The following CDH8 variants were observed in gnomAD, a reference collection of about 807,000 sequenced individuals.
CDH8 encodes the protein cadherin-8.
Under a neutral mutation model 68.1 loss-of-function variants are expected in CDH8, and 17 were observed. The observed-to-expected ratio is 0.25, with a 90% confidence interval of 0.17 to 0.37. The LOEUF is 0.37. Among genes scored for constraint, CDH8 ranks in the 10% least tolerant of loss-of-function variants. The pLI, the probability that CDH8 is intolerant of heterozygous loss-of-function variation, is 1.00. For missense variants in CDH8, 763 were observed against 999.3 expected, an observed-to-expected ratio of 0.76 and a Z score of 3.19; for synonymous variants, 372 against 365.1, an observed-to-expected ratio of 1.02 and a Z score of -0.21.
chr16:61,712,859 A>G (rs1964656330), intron 10 of CDH8, among the ~76,000 whole-genome samples: 1 of 151,708 alleles, frequency 6.6e-6, no homozygotes, highest in Non-Finnish European at 1.5e-5. Flanking sequence ...ATTTAGCCAT[A>G]AAATGTTATT....
chr16:61,985,464 G>A (rs1965610109), intron 2 of CDH8, among the ~76,000 whole-genome samples: 3 of 152,152 alleles, frequency 2.0e-5, no homozygotes, highest in South Asian at 2.1e-4. Context: ...TCCTGATTGA[G>A]GTCTTTAATG....
intron 2 of CDH8, among the ~76,000 whole-genome samples, chr16:62,017,159 A>G (rs1451930171): frequency 1.3e-5 from 2 of 152,172 alleles, no homozygotes; most frequent in Non-Finnish European, 2.9e-5. Flanking sequence ...ATATGCAGGC[A>G]GGGTTCTAGG....
chr16:61,785,200 TAAAG>T (rs1961207204), intron 8 of CDH8, among the ~76,000 whole-genome samples: 1 of 108,520 alleles, frequency 9.2e-6, no homozygotes, highest in Admixed American at 9.7e-5. Context: ...GCAAGACTAA[TAAAG>T]AAAAAAAGAG....
intron 2 of CDH8, among the ~76,000 whole-genome samples, chr16:61,951,730 A>G (rs909717243): frequency 6.6e-5 from 10 of 152,142 alleles, no homozygotes; most frequent in African/African-American, 2.4e-4. Flanking sequence ...CCTCACCTAC[A>G]GCACTTTTAT....
At chr16:61,921,249 T>TATA (rs375901034) in intron 2 of CDH8, among the ~76,000 whole-genome samples, 2,179 of 147,474 alleles carry the variant, frequency 0.015, 28 homozygotes, top group African/African-American at 0.031. Context: ...AAACTTAAAG[T>TATA]ATAATAATAA....
At chr16:61,894,792 T>C (rs1039608444) in intron 3 of CDH8, among the ~76,000 whole-genome samples, 1 of 152,174 alleles carries the variant, frequency 6.6e-6, no homozygotes, top group Non-Finnish European at 1.5e-5. Flanking sequence ...GCCCATCATA[T>C]ACTGACTTCT....
chr16:61,902,797 GA>G (rs1964000272), intron 2 of CDH8, among the ~76,000 whole-genome samples: 2 of 151,900 alleles, frequency 1.3e-5, no homozygotes, highest in Non-Finnish European at 2.9e-5. Flanking sequence ...CTTTACTTTT[GA>G]ATATTTTTTA....
chr16:61,725,404 T>C (rs2142890058), intron 9 of CDH8: 1 of 150,946 alleles, frequency 6.6e-6, no homozygotes, highest in South Asian at 2.1e-4. Flanking sequence ...GAAATATCAA[T>C]GTCATTGACT....
chr16:61,887,014 T>C (rs2143167241), intron 3 of CDH8, among the ~76,000 whole-genome samples: 1 of 152,246 alleles, frequency 6.6e-6, no homozygotes, highest in East Asian at 1.9e-4. Flanking sequence ...TTGAAACAGG[T>C]TAGAGGGTTG....
chr16:61,831,594 T>C (rs919907480), intron 4 of CDH8, among the ~76,000 whole-genome samples: 1 of 151,748 alleles, frequency 6.6e-6, no homozygotes, highest in African/African-American at 2.4e-5. Flanking sequence ...CTTGTGTGTG[T>C]GTTATTTTTT....
rs34925928 is a variant in CDH8, at chr16:61,992,077, T to TGTGTGTGTGTGTGTGTGTGTGA, written c.252+29074_252+29075insTCACACACACACACACACACAC. 1.7e-4 allele frequency among the ~76,000 whole-genome samples: 24 copies of TGTGTGTGTGTGTGTGTGTGTGA among 144,246 alleles called. No individual in the cohort carries two copies. In the East Asian group the frequency reaches 3.0e-3, roughly 18 times the overall value. 94.6% of individuals were successfully genotyped at this position (144,246 alleles called of 152,430 possible). ...GTGTGTGTGTGTGTGTGTGTGTGTGTGAGAGAGAGAGAGAGATTTTTACAG... is the reference window on the plus strand; with the variant it reads ...GTGTGTGTGTGTGTGTGTGTGTGTGTGTGTGTGTGTGTGTGTGTGTGAGAGAGAGAGAGAGAGATTTTTACAG... On this transcript the variant is annotated intron_variant, in intron 2 of 11. Transcript: ENST00000577390.
intron 4 of CDH8, among the ~76,000 whole-genome samples, chr16:61,844,437 T>C (rs543157922): frequency 1.6e-4 from 25 of 152,126 alleles, no homozygotes; most frequent in Non-Finnish European, 2.4e-4. Context: ...TAATAAAGTT[T>C]AAAAAAAAGT....
chr16:61,998,048 C>A (rs1965835172), intron 2 of CDH8, among the ~76,000 whole-genome samples: 1 of 152,052 alleles, frequency 6.6e-6, no homozygotes, highest in African/African-American at 2.4e-5. Flanking sequence ...GCCAATGCTA[C>A]ATTTCCAGAT....
Position 61,648,471 on chromosome 16 carries a change from G to A in CDH8, c.*5137C>T, listed in dbSNP as rs1963251281. ...TTACTTCCTCCTCAGTACTTCCATAGCACTATATATAACTTAGTTTCTATT... is the reference window on the plus strand; with the variant it reads ...TTACTTCCTCCTCAGTACTTCCATAACACTATATATAACTTAGTTTCTATT... On this transcript the variant is annotated 3_prime_UTR_variant, in exon 12 of 12. Transcript: ENST00000577390. 6.6e-6 allele frequency: 1 copy of A among 151,794 alleles called. No individual in the cohort carries two copies. Among genetic ancestry groups the A allele is most frequent in the Admixed American group, 6.6e-5 (1 of 15,186 alleles). 9.4% of individuals were successfully genotyped at this position (151,794 alleles called of 1,614,324 possible).
chr16:61,904,885 A>T (rs1467871450), intron 2 of CDH8, among the ~76,000 whole-genome samples: 1 of 152,236 alleles, frequency 6.6e-6, no homozygotes, highest in African/African-American at 2.4e-5. Flanking sequence ...TGCCCTGTCA[A>T]CATATCCACC....
chr16:61,882,786 C>T (rs1963601440), intron 3 of CDH8, among the ~76,000 whole-genome samples: 1 of 152,090 alleles, frequency 6.6e-6, no homozygotes, highest in Admixed American at 6.6e-5. Context: ...GGCTTAATAC[C>T]TGGGTGATGA....
intron 5 of CDH8, among the ~76,000 whole-genome samples, chr16:61,824,192 C>G (rs1469661571): frequency 4.0e-5 from 6 of 151,756 alleles, no homozygotes; most frequent in Admixed American, 3.3e-4. Context: ...AAAGCCCTGC[C>G]TGATCTTACT....
rs144379377 is a variant in CDH8, at chr16:61,871,815, CAAAAAAAAAAAAAAAA to C, written c.548-14593_548-14578del. Among the ~76,000 whole-genome samples the C allele has an allele frequency of 4.2e-4, 18 of 43,350 alleles. 1 individual carries two copies. The highest frequency in any genetic ancestry group is 0.062 in the Middle Eastern group (2 of 32). The allele number at this position is 43,350 out of a possible 152,430, so 28.4% of individuals were successfully genotyped here. A position where few individuals can be genotyped will look rare whatever the true frequency, so the allele number is the denominator to read the frequency against. ...TTGCTATGCTCTATTGTTCTATATG[CAAAAAAAAAAAAAAAA>C]AAAAAAAAAAAAAAAACCCAGAAAT... On this transcript the variant is annotated intron_variant, in intron 3 of 11. Coordinates refer to ENST00000577390, the MANE Select transcript of CDH8 (RefSeq NM_001796.5).
intron 1 of CDH8, among the ~76,000 whole-genome samples, chr16:62,023,401 C>T (rs770759407): frequency 2.0e-5 from 3 of 152,116 alleles, no homozygotes; most frequent in Non-Finnish European, 4.4e-5. Flanking sequence ...ACAAGATAGT[C>T]AAGTTTTCTG....
Sources: gnomAD v4.1 joint callset for allele counts (sites outside exome capture counted in the v4.1 genomes callset) on GRCh38, gnomAD v4.1.1 for gene constraint, MANE v1.5 for transcripts, NCBI Gene and HGNC (gene_info 2026-07-23, HGNC 2026-07-21) for gene names.